Variants in RAD51B observed in about 807,000 individuals in gnomAD.
RAD51B encodes DNA repair protein RAD51 homolog 2.
A neutral mutation model predicts 42.2 loss-of-function variants in RAD51B; 38 were observed. The ratio of observed to expected loss-of-function variants is 0.90; its 90% CI spans 0.70 to 1.18. The LOEUF is 1.18. RAD51B is among the 50% of genes most tolerant of loss of function. The pLI, the probability that RAD51B is intolerant of heterozygous loss-of-function variation, is 0.00. For synonymous variants in RAD51B, 154 were observed against 145.2 expected, an observed-to-expected ratio of 1.06 and a Z score of -0.43; for missense variants, 373 against 400.7, an observed-to-expected ratio of 0.93 and a Z score of 0.59.
At chr14:67,871,422 G>C (rs950096368) in intron 5 of RAD51B, among the ~76,000 whole-genome samples, 1 of 152,092 alleles carries the variant, frequency 6.6e-6, no homozygotes, top group Non-Finnish European at 1.5e-5. Context: ...CAATAACAGG[G>C]TCTGAAATTG....
exon 11 of RAD51B, chr14:68,611,012 G>C: frequency 2.8e-6 from 2 of 703,002 alleles, no homozygotes; most frequent in Non-Finnish European, 5.2e-6. Context: ...ACAGTTGTTA[G>C]AACTGTGGCC....
rs1164295665 is a variant in RAD51B, at chr14:68,601,379, A to T, written c.1037-9627A>T. Among the ~76,000 whole-genome samples, 3 of 152,010 alleles carry T rather than the reference A, an allele frequency of 2.0e-5. No homozygotes were observed. In the East Asian group the frequency reaches 5.8e-4, roughly 29 times the overall value. On this transcript the variant is annotated intron_variant, in intron 10 of 10. Transcript: ENST00000487861. ...CTTTGTGACCTTGGTTGGCAGCGTC[A>T]TTTTCATGTCGGCTATAGTTTCCAT...
At chr14:68,479,302 G>A (rs920887274), downstream of RAD51B, among the ~76,000 whole-genome samples, 3 of 152,154 alleles carry the variant, frequency 2.0e-5, no homozygotes, top group Admixed American at 6.5e-5. Flanking sequence ...TTGAGAAGTT[G>A]GAGGTAGGGT....
chr14:68,273,451 T>G (rs1362649944), intron 7 of RAD51B, among the ~76,000 whole-genome samples: 1 of 152,254 alleles, frequency 6.6e-6, no homozygotes, highest in Non-Finnish European at 1.5e-5. Flanking sequence ...TGGATAGGCT[T>G]GCCTAAGTTC....
intron 7 of RAD51B, among the ~76,000 whole-genome samples, chr14:68,135,094 A>G (rs1441091640): frequency 6.6e-6 from 1 of 152,232 alleles, no homozygotes. Flanking sequence ...TTAAATTTTA[A>G]GATGAGTAAA....
At chr14:68,210,582 G>A (rs1460654925) in intron 7 of RAD51B, among the ~76,000 whole-genome samples, 1 of 152,060 alleles carries the variant, frequency 6.6e-6, no homozygotes, top group Non-Finnish European at 1.5e-5. Flanking sequence ...AGTGAATTCT[G>A]CATGAGCTCT....
intron 3 of RAD51B, among the ~76,000 whole-genome samples, chr14:67,826,649 A>G (rs2140280896): frequency 6.6e-6 from 1 of 152,266 alleles, no homozygotes; most frequent in East Asian, 1.9e-4. Flanking sequence ...ACTTCTAAAA[A>G]CAATGAACAG....
intron 7 of RAD51B, among the ~76,000 whole-genome samples, chr14:67,986,074 T>C (rs953896022): frequency 1.3e-5 from 2 of 152,208 alleles, no homozygotes; most frequent in African/African-American, 4.8e-5. Context: ...GTGCACACAA[T>C]GTGCACGTAC....
At chr14:67,922,409 T>G (rs1229769162) in intron 7 of RAD51B, among the ~76,000 whole-genome samples, 1 of 152,196 alleles carries the variant, frequency 6.6e-6, no homozygotes, top group Admixed American at 6.5e-5. Flanking sequence ...AATAGGTAAG[T>G]TTAGGAAATA....
chr14:68,649,398 G>A (rs1290383718), intron 10 of RAD51B, among the ~76,000 whole-genome samples: 1 of 152,162 alleles, frequency 6.6e-6, no homozygotes, highest in Admixed American at 6.5e-5. Flanking sequence ...CTCTCTCTGA[G>A]CCTCTGCTCC....
chr14:68,585,255 C>T (rs1890401855), intron 10 of RAD51B, among the ~76,000 whole-genome samples: 2 of 152,212 alleles, frequency 1.3e-5, no homozygotes, highest in Admixed American at 1.3e-4. Context: ...TCCCTGCTGT[C>T]TCCCCATGGG....
intron 10 of RAD51B, chr14:68,540,716 A>AG: frequency 3.0e-6 from 3 of 985,382 alleles, no homozygotes; most frequent in Non-Finnish European, 3.6e-6. Flanking sequence ...AAAGAAAGAG[A>AG]GGGTGGGTTT....
chr14:67,825,116 A>T (rs1594957674), intron 2 of RAD51B, among the ~76,000 whole-genome samples: 1 of 149,052 alleles, frequency 6.7e-6, no homozygotes, highest in Non-Finnish European at 1.5e-5. Context: ...AAGGAAAGAA[A>T]CTCTTTCAAC....
intron 5 of RAD51B, among the ~76,000 whole-genome samples, chr14:67,882,545 T>G (rs2042939448): frequency 1.3e-5 from 2 of 152,222 alleles, no homozygotes; most frequent in South Asian, 4.1e-4. Flanking sequence ...CATATTCATT[T>G]GCGTAATGAC....
In RAD51B at chr14:67,957,627, G is replaced by A. The variant is rs1387012029; in HGVS notation, c.756+70423G>A. ...AATGATAGTACCATTTATAACACTC[G>A]GATCGCTGTCTCCAGTCAGAAGTGA... On this transcript the variant is annotated intron_variant, in intron 7 of 10. Transcript: ENST00000471583. Among the ~76,000 whole-genome samples, 14 of 152,114 alleles carry A rather than the reference G, an allele frequency of 9.2e-5. 1 individual carries two copies. In the East Asian group the frequency reaches 2.7e-3, roughly 29 times the overall value.
In RAD51B at chr14:68,319,324, T is replaced by G. The variant is rs2082117295; in HGVS notation, c.853+27344T>G. On this transcript the variant is annotated intron_variant, in intron 8 of 10. Coordinates refer to ENST00000471583, the MANE Select transcript of RAD51B (RefSeq NM_133510.4). The stretch of plus-strand genomic sequence containing the variant: ...ATATTGTACTGGGACCTACTCATAC[T>G]TCAAAATTATTCATTGTTTACCTGA... Among the ~76,000 whole-genome samples, 6 of 152,350 alleles carry G rather than the reference T, an allele frequency of 3.9e-5. No homozygotes were observed. The South Asian group carries it at 1.2e-3, about 32-fold the overall frequency.
intron 10 of RAD51B, among the ~76,000 whole-genome samples, chr14:68,560,609 G>A (rs955010329): frequency 2.6e-4 from 40 of 152,254 alleles, no homozygotes; most frequent in African/African-American, 8.4e-4. Context: ...GGTGGTGAGC[G>A]CCTGTAATCC....
intron 8 of RAD51B, among the ~76,000 whole-genome samples, chr14:68,319,494 A>G (rs571469269): frequency 6.6e-6 from 1 of 152,246 alleles, no homozygotes; most frequent in Non-Finnish European, 1.5e-5. Context: ...AAAACAATAG[A>G]TAAAGCTTTG....
intron 1 of RAD51B, among the ~76,000 whole-genome samples, chr14:67,821,134 T>C (rs753373950): frequency 2.6e-5 from 4 of 152,238 alleles, no homozygotes; most frequent in Non-Finnish European, 5.9e-5. Flanking sequence ...TTGGGGCTTC[T>C]TCCTGTCTGC....
Sources: gnomAD v4.1 joint callset for allele counts (sites outside exome capture counted in the v4.1 genomes callset) on GRCh38, gnomAD v4.1.1 for gene constraint, MANE v1.5 for transcripts, NCBI Gene and HGNC (gene_info 2026-07-23, HGNC 2026-07-21) for gene names.